The following MYPN variants were observed in gnomAD, a reference collection of about 807,000 sequenced individuals.
MYPN encodes myopalladin.
In MYPN, 63 loss-of-function variants were observed where a neutral mutation model predicts 129.4. The ratio of observed to expected loss-of-function variants is 0.49; its 90% confidence interval spans 0.40 to 0.60. MYPN has a LOEUF of 0.60. Among genes scored for constraint, MYPN ranks in the 20% least tolerant of loss-of-function variants. The pLI is 0.00. For missense variants in MYPN, 1,596 were observed against 1,635.4 expected (o/e 0.98, Z 0.42); for synonymous variants, 629 against 600.9 (o/e 1.05, Z -0.68).
rs745958728 is a variant in MYPN, at chr10:68,148,449, T to G, written c.1227T>G (p.Arg409=). Residue 409 remains arginine, a synonymous_variant, in exon 5 of 20, where the codon CGT becomes CGG. Coordinates refer to ENST00000358913, the MANE Select transcript of MYPN (RefSeq NM_032578.4). The part of the protein sequence containing the change: ...PQAQHLVAQP[R]VATIQQCQSP... ...CCCAGCATTTGGTGGCCCAACCTCG[T>G]GTGGCAACCATCCAGCAGGTACAAG... 5 of 1,613,938 alleles carry G rather than the reference T, an allele frequency of 3.1e-6. No homozygotes were observed. The African/African-American group carries it at 6.7e-5, about 22-fold the overall frequency.
chr10:68,165,082 T>C (rs2043032666), intron 8 of MYPN, among the ~76,000 whole-genome samples: 1 of 152,276 alleles, frequency 6.6e-6, no homozygotes. Context: ...AAGTTTATTG[T>C]TATACATTTC....
intron 12 of MYPN, among the ~76,000 whole-genome samples, chr10:68,186,484 A>G (rs1225713880): frequency 6.6e-6 from 1 of 152,092 alleles, no homozygotes; most frequent in Non-Finnish European, 1.5e-5. Context: ...TCCAAATTCC[A>G]CTTCAGGAGC....
At chr10:68,209,671 C>CTTTT (rs35392300) in intron 19 of MYPN, among the ~76,000 whole-genome samples, 21 of 131,200 alleles carry the variant, frequency 1.6e-4, no homozygotes, top group Admixed American at 3.2e-4. Flanking sequence ...GAATTCTTTT[C>CTTTT]TTTTTTTTTT....
intron 2 of MYPN, among the ~76,000 whole-genome samples, chr10:68,132,933 T>C (rs1313378264): frequency 6.6e-6 from 1 of 151,824 alleles, no homozygotes; most frequent in Non-Finnish European, 1.5e-5. Context: ...CATCCCAAAA[T>C]GGTAGACTGA....
intron 2 of MYPN, among the ~76,000 whole-genome samples, chr10:68,129,100 G>C (rs980986380): frequency 4.6e-5 from 7 of 151,858 alleles, no homozygotes; most frequent in African/African-American, 1.7e-4. Context: ...GACCAGCAGC[G>C]TCAGCTTCAC....
At chr10:68,208,471 C>T (rs1012177698) in intron 19 of MYPN, among the ~76,000 whole-genome samples, 2 of 152,098 alleles carry the variant, frequency 1.3e-5, no homozygotes, top group African/African-American at 2.4e-5. Flanking sequence ...CTGGAGAAAT[C>T]GGGGGAGAAA....
chr10:68,165,616 T>C, intron 8 of MYPN, 86 bp from the exon 9 acceptor site: 1 of 1,013,888 alleles, frequency 9.9e-7, no homozygotes, highest in Admixed American at 1.7e-5. Context: ...ATATTGACTT[T>C]GTAGAATCAT....
At chr10:68,091,061 C>T (rs1417753518) in intron 1 of MYPN, among the ~76,000 whole-genome samples, 1 of 152,120 alleles carries the variant, frequency 6.6e-6, no homozygotes, top group Admixed American at 6.5e-5. Context: ...TAAAGCAAAC[C>T]AAACAGCATG....
chr10:68,189,204 A>G lies in MYPN; in HGVS notation c.2925+78A>G. On this transcript the variant is annotated intron_variant, in intron 13 of 19. Transcript: ENST00000358913. ...GTGCCTTCAAGAAGGTCTTTAAAAA[A>G]TATACGCAATGTTTTTTCTTCTTTT... 3 of 990,160 alleles carry G rather than the reference A, an allele frequency of 3.0e-6. No individual in the cohort carries two copies. In the Admixed American group the frequency reaches 5.4e-5, roughly 18 times the overall value. 61.3% of individuals were successfully genotyped at this position (990,160 alleles called of 1,614,324 possible). A position where few individuals can be genotyped will look rare whatever the true frequency, so the allele number is the denominator to read the frequency against.
chr10:68,200,150 T>G lies in MYPN; in HGVS notation c.3493+575T>G, dbSNP rs531368062. On this transcript the variant is annotated intron_variant, in intron 17 of 19. Transcript: ENST00000358913. ...GCAGGTAGGGCCTTCTGTGTAAATG[T>G]TAATTATTTGCCTCCCTGAAGAGAT... is the stretch of plus-strand genomic sequence containing the variant. Among the ~76,000 whole-genome samples, 7 of 152,262 alleles carry G rather than the reference T, an allele frequency of 4.6e-5. No homozygotes were observed. In the South Asian group the frequency reaches 1.5e-3, roughly 32 times the overall value.
intron 1 of MYPN, among the ~76,000 whole-genome samples, chr10:68,089,759 C>T (rs191411606): frequency 6.6e-6 from 1 of 152,280 alleles, no homozygotes; most frequent in African/African-American, 2.4e-5. Flanking sequence ...GTAATTGTCT[C>T]CAGTCTCTGT....
chr10:68,125,057 C>A (rs11594912), intron 2 of MYPN, among the ~76,000 whole-genome samples: 82 of 152,270 alleles, frequency 5.4e-4, no homozygotes, highest in Non-Finnish European at 9.3e-4. Context: ...AAAAATTAGA[C>A]CAGATCATTC....
chr10:68,185,877 T>TA (rs1173375582), intron 12 of MYPN, among the ~76,000 whole-genome samples: 1 of 151,930 alleles, frequency 6.6e-6, no homozygotes, highest in African/African-American at 2.4e-5. Context: ...GTCTAGAAAA[T>TA]ACTTCAAACT....
chr10:68,201,860 G>T lies in MYPN; in HGVS notation c.3525G>T (p.Leu1175=). The stretch of plus-strand genomic sequence containing the variant: ...AGGTGAAGAAAGCACCTGTGATCCT[G>T]GAGAAACTACAGAACTGCGGTGTTC... The part of the protein sequence containing the change: ...AKEVKKAPVI[L]EKLQNCGVPE... The change falls in exon 18 of 20, where the codon CTG becomes CTT. Residue 1175 remains leucine, a synonymous_variant. Transcript: ENST00000358913. 1 of 1,614,062 alleles carries T rather than the reference G, an allele frequency of 6.2e-7. No individual in the cohort carries two copies. The highest frequency in any genetic ancestry group is 8.5e-7 in the Non-Finnish European group (1 of 1,180,016).
chr10:68,143,435 T>G (rs1213276099), intron 3 of MYPN, among the ~76,000 whole-genome samples: 1 of 151,900 alleles, frequency 6.6e-6, no homozygotes, highest in Non-Finnish European at 1.5e-5. Flanking sequence ...GAGTGGGGAA[T>G]GAGCCACAAG....
intron 11 of MYPN, 149 bp downstream of exon 11, chr10:68,174,805 G>C (rs1402601425): frequency 1.3e-6 from 1 of 766,482 alleles, no homozygotes; most frequent in Non-Finnish European, 2.2e-6. Flanking sequence ...AACACTTCAG[G>C]ACAAAGGGGA....
chr10:68,185,122 T>A (rs1589599496), intron 12 of MYPN, among the ~76,000 whole-genome samples: 1 of 123,528 alleles, frequency 8.1e-6, no homozygotes, highest in East Asian at 2.6e-4. Context: ...CTGGGCAACA[T>A]GGTGAAACCC....
At chr10:68,180,040 T>C (rs2043290117) in intron 12 of MYPN, among the ~76,000 whole-genome samples, 1 of 152,248 alleles carries the variant, frequency 6.6e-6, no homozygotes, top group African/African-American at 2.4e-5. Context: ...TTTTGCAGAA[T>C]GTTGTATCCC....
chr10:68,126,855 T>C (rs1242678758), intron 2 of MYPN, among the ~76,000 whole-genome samples: 1 of 152,098 alleles, frequency 6.6e-6, no homozygotes, highest in Non-Finnish European at 1.5e-5. Flanking sequence ...GAGAGAGTAG[T>C]GGAACTAGAA....
Sources: allele counts gnomAD v4.1 joint callset (sites outside exome capture counted in the v4.1 genomes callset), GRCh38; gene constraint gnomAD v4.1.1; transcripts MANE v1.5; gene names NCBI Gene and HGNC (gene_info 2026-07-23, HGNC 2026-07-21).